Variants in TCOF1 observed in about 807,000 individuals in gnomAD.
The protein encoded by TCOF1 is treacle ribosome biogenesis factor 1.
Under a neutral mutation model 149.0 loss-of-function variants are expected in TCOF1, and 33 were observed. The observed-to-expected ratio is 0.22, with a 90% confidence interval of 0.17 to 0.30. The LOEUF is 0.30. TCOF1 is among the 10% of genes least tolerant of loss of function. The probability of loss-of-function intolerance (pLI) is 1.00; values close to 1 mark genes in which losing one functional copy is unlikely to be tolerated. For synonymous variants in TCOF1, 789 were observed against 738.8 expected (o/e 1.07, Z -1.10); for missense variants, 1,728 against 1,840.7 (o/e 0.94, Z 1.12).
In TCOF1 at chr5:150,396,826, G is replaced by A; in HGVS notation, c.4329G>A (p.Lys1443=). Residue 1443 remains lysine (K), a synonymous_variant, in exon 24 of 27, where the codon AAG becomes AAA. Coordinates refer to ENST00000643257, the MANE Select transcript of TCOF1 (RefSeq NM_001371623.1). ...DQSNPKSKKE[K]KKSDKRKKDK... ...GCAACCCAAAGAGCAAGAAGGAGAA[G>A]AAGAAATCCGACAAGAGTGAGTGAC... 1 of 1,602,466 alleles carries A rather than the reference G, an allele frequency of 6.2e-7. No individual in the cohort carries two copies. Among genetic ancestry groups the A allele is most frequent in the Non-Finnish European group, 8.5e-7 (1 of 1,175,018 alleles).
intron 3 of TCOF1, chr5:150,365,057 G>A (rs190511073): frequency 3.8e-4 from 58 of 151,672 alleles, no homozygotes; most frequent in African/African-American, 1.4e-3. Context: ...GATCATACTA[G>A]GTATATATTT....
chr5:150,393,583 A>C, intron 23 of TCOF1, 31 bp downstream of exon 23: 1 of 1,613,960 alleles, frequency 6.2e-7, no homozygotes, highest in East Asian at 2.2e-5. Flanking sequence ...GGGACATAGC[A>C]GGACACAGAG....
chr5:150,393,245 C>G, intron 22 of TCOF1, 127 bp from the exon 23 acceptor site: 1 of 1,153,962 alleles, frequency 8.7e-7, no homozygotes, highest in South Asian at 1.3e-5. Context: ...TCCACCCACT[C>G]TGCACTGATA....
chr5:150,396,787 A>C lies in TCOF1; in HGVS notation c.4290A>C (p.Glu1430Asp), dbSNP rs773700381. The stretch of plus-strand genomic sequence containing the variant: ...TTCAGAAGGGGATGGGGACGGTTGA[A>C]GGTGGAGATCAAAGCAACCCAAAGA... The part of the protein sequence containing the change: ...EELQKGMGTV[E>D]GGDQSNPKSK... The change falls in exon 24 of 27, where the codon GAA becomes GAC. Residue 1430 changes from glutamate (E) to aspartate (D), a missense_variant. Glu to Asp is a conservative substitution (Grantham distance 45). Around this residue, in one of 2 missense-constraint regions of TCOF1, gnomAD observed 1,696 missense variants for 1,765.4 expected, o/e 0.96. Transcript: ENST00000643257. The C allele has an allele frequency of 1.9e-6, 3 of 1,611,250 alleles. No homozygotes were observed. The highest frequency in any genetic ancestry group is 4.5e-5 in the East Asian group (2 of 44,802).
At chr5:150,358,516 T>C (rs1476450813) in intron 1 of TCOF1, among the ~76,000 whole-genome samples, 2 of 152,174 alleles carry the variant, frequency 1.3e-5, no homozygotes, top group Admixed American at 1.3e-4. Context: ...AGTGACTATA[T>C]GCTTAGCACC....
Position 150,396,645 on chromosome 5 carries a change from C to T in TCOF1, c.4148C>T (p.Thr1383Ile), listed in dbSNP as rs751757612. The change falls in exon 24 of 27, where the codon ACC becomes ATC. Residue 1383 changes from threonine (T) to isoleucine (I), a missense_variant. By Grantham distance (89) the Thr-to-Ile change is moderately conservative. This residue lies in a region of TCOF1 where 1,696 missense variants were observed against 1,765.4 expected (regional missense o/e 0.96). Coordinates refer to ENST00000643257, the MANE Select transcript of TCOF1 (RefSeq NM_001371623.1). ...GGEASVSPEK[T>I]STTSKGKAKR... Reference sequence around the variant, plus strand: ...GAGGCCTCTGTTTCCCCAGAAAAGACCTCCACGACTTCCAAGGGGAAAGCA... The same window carrying T: ...GAGGCCTCTGTTTCCCCAGAAAAGATCTCCACGACTTCCAAGGGGAAAGCA... 2 of 1,606,760 alleles carry T rather than the reference C, an allele frequency of 1.2e-6. No homozygotes were observed. Among genetic ancestry groups the T allele is most frequent in the South Asian group, 1.1e-5 (1 of 90,062 alleles).
At position 150,387,874 on chromosome 5, in the gene TCOF1, G is replaced by C. The variant is rs1003071015; in HGVS notation, c.2860-28G>C. 9 of 1,613,258 alleles carry C rather than the reference G, an allele frequency of 5.6e-6. No homozygotes were observed. In the South Asian group the frequency reaches 9.9e-5, roughly 18 times the overall value. ...TCCCTGGCCAAGCCTTTAATCACTG[G>C]GGGGGTGTTTTGTTTTTGTTTTTCA... On this transcript the variant is annotated intron_variant, in intron 17 of 26. Coordinates refer to ENST00000643257, the MANE Select transcript of TCOF1 (RefSeq NM_001371623.1).
intron 17 of TCOF1, among the ~76,000 whole-genome samples, chr5:150,385,903 C>T (rs1194564185): frequency 6.6e-6 from 1 of 152,198 alleles, no homozygotes; most frequent in Non-Finnish European, 1.5e-5. Flanking sequence ...AACTACATTC[C>T]TGTGTATACT....
intron 17 of TCOF1, among the ~76,000 whole-genome samples, chr5:150,387,528 C>G (rs1766534866): frequency 6.6e-6 from 1 of 150,416 alleles, no homozygotes; most frequent in Admixed American, 6.6e-5. Context: ...GTTTCTGAAG[C>G]CAGCCGGGGA....
rs1031475863 is a variant in TCOF1, at chr5:150,396,795, A to G, written c.4298A>G (p.Asp1433Gly). ...QKGMGTVEGG[D>G]QSNPKSKKEK... is the part of the protein sequence containing the mutation. Reference sequence around the variant, plus strand: ...GGGATGGGGACGGTTGAAGGTGGAGATCAAAGCAACCCAAAGAGCAAGAAG... The same window carrying G: ...GGGATGGGGACGGTTGAAGGTGGAGGTCAAAGCAACCCAAAGAGCAAGAAG... The change falls in exon 24 of 27, where the codon GAT (aspartate) becomes GGT (glycine). Residue 1433 changes from aspartate (D) to glycine (G), a missense_variant. Physicochemically the swap from Asp to Gly is moderately conservative, Grantham distance 94. Coordinates refer to ENST00000643257, the MANE Select transcript of TCOF1 (RefSeq NM_001371623.1). The G allele has an allele frequency of 4.3e-6, 7 of 1,610,582 alleles. No individual in the cohort carries two copies. Among genetic ancestry groups the G allele is most frequent in the Non-Finnish European group, 5.9e-6 (7 of 1,178,866 alleles).
intron 17 of TCOF1, chr5:150,383,109 AC>A: frequency 6.5e-7 from 1 of 1,535,904 alleles, no homozygotes; most frequent in African/African-American, 1.4e-5. Context: ...TGGCCCCAGC[AC>A]CCCCAGAGAG....
intron 20 of TCOF1, 40 bp from the exon 21 acceptor site, chr5:150,391,917 C>A (rs1454712831): frequency 6.8e-6 from 11 of 1,606,352 alleles, no homozygotes; most frequent in Non-Finnish European, 9.4e-6. Context: ...CTTACTTGCC[C>A]TAATTTTTCC....
chr5:150,377,591 T>C (rs186704841), intron 14 of TCOF1, among the ~76,000 whole-genome samples: 10 of 152,352 alleles, frequency 6.6e-5, no homozygotes, highest in African/African-American at 2.2e-4. Flanking sequence ...CACACATTTC[T>C]ACTGATTTTT....
chr5:150,385,028 G>C (rs1765992837), intron 17 of TCOF1: 4 of 948,634 alleles, frequency 4.2e-6, no homozygotes, highest in Non-Finnish European at 5.0e-6. Context: ...GCCAGAGTCT[G>C]TGCTGGGGTC....
At position 150,383,875 on chromosome 5, in the gene TCOF1, A is replaced by T. The variant is rs898563137; in HGVS notation, c.2860-4027A>T. On this transcript the variant is annotated intron_variant, in intron 17 of 26. Transcript: ENST00000643257. ...AGGCTACACCTCCAAGGGTGGGACC[A>T]GGCCCACCTTATCTTCCTGTACTCC... 32 of 1,544,744 alleles carry T rather than the reference A, an allele frequency of 2.1e-5. 1 individual carries two copies. The South Asian group carries it at 3.8e-4, about 18-fold the overall frequency.
chr5:150,361,408 G>A (rs1371010703), intron 2 of TCOF1, among the ~76,000 whole-genome samples, 197 bp downstream of exon 2: 2 of 152,094 alleles, frequency 1.3e-5, no homozygotes, highest in Non-Finnish European at 2.9e-5. Context: ...AGGGGACATT[G>A]AGAGCTGTGA....
intron 23 of TCOF1, 113 bp from the exon 24 acceptor site, chr5:150,396,169 G>A: frequency 1.6e-6 from 2 of 1,230,836 alleles, no homozygotes; most frequent in Non-Finnish European, 2.4e-6. Flanking sequence ...CTCCCCATCT[G>A]TGCCATTGTA....
intron 18 of TCOF1, among the ~76,000 whole-genome samples, chr5:150,389,624 C>A (rs1459593062): frequency 6.6e-6 from 1 of 152,206 alleles, no homozygotes; most frequent in Non-Finnish European, 1.5e-5. Flanking sequence ...GAGTGGCAGC[C>A]CGACCAGTTG....
intron 8 of TCOF1, 72 bp from the exon 9 acceptor site, chr5:150,374,545 T>C (rs1763273083): frequency 5.0e-6 from 8 of 1,606,086 alleles, no homozygotes; most frequent in Non-Finnish European, 6.8e-6. Flanking sequence ...TATCTGGTCT[T>C]CTGTACGTGG....
Sources: allele counts gnomAD v4.1 joint callset (sites outside exome capture counted in the v4.1 genomes callset), GRCh38; gene constraint gnomAD v4.1.1; regional missense constraint gnomAD v4.1.1; transcripts MANE v1.5; gene names NCBI Gene and HGNC (gene_info 2026-07-23, HGNC 2026-07-21).